TTC28: variants seen among roughly 807,000 people sequenced by gnomAD.
TTC28 encodes the protein tetratricopeptide repeat protein 28.
In TTC28, 61 loss-of-function variants were observed where a neutral mutation model predicts 198.0. That is an observed-to-expected ratio of 0.31 (90% CI 0.25 to 0.38). The LOEUF is 0.38. Ranked by LOEUF, TTC28 falls within the 10% of genes least tolerant of loss-of-function variation. TTC28 has a pLI of 1.00. For missense variants in TTC28, 2,678 were observed against 3,164.0 expected (o/e 0.85, Z 3.69); for synonymous variants, 1,171 against 1,297.8 (o/e 0.90, Z 2.10).
rs540240085 is a variant in TTC28, at chr22:28,594,227, TTAAA to T, written c.381+35321_381+35324del. ...GTCTCTCATTCCCTGAGACCTATAA[TTAAA>T]TAAATAATCGTTTATTAATATAATT... On this transcript the variant is annotated intron_variant, in intron 2 of 22. Coordinates refer to ENST00000397906, the MANE Select transcript of TTC28 (RefSeq NM_001145418.2). Among the ~76,000 whole-genome samples, 108 of 150,120 alleles carry T rather than the reference TTAAA, an allele frequency of 7.2e-4. 1 individual carries two copies. The highest frequency in any genetic ancestry group is 2.8e-4 in the Non-Finnish European group (19 of 67,608).
intron 2 of TTC28, among the ~76,000 whole-genome samples, chr22:28,377,099 G>C (rs1164461903): frequency 2.8e-5 from 1 of 35,406 alleles, no homozygotes; most frequent in Non-Finnish European, 6.6e-5. Context: ...AGATTCTAAA[G>C]TAAAAAAACC....
intron 2 of TTC28, among the ~76,000 whole-genome samples, chr22:28,519,144 T>C (rs1376451138): frequency 6.6e-6 from 1 of 152,186 alleles, no homozygotes; most frequent in Non-Finnish European, 1.5e-5. Flanking sequence ...ATTGATAATA[T>C]ACTAAGCGGA....
At chr22:28,547,925 C>A (rs1487166143) in intron 2 of TTC28, among the ~76,000 whole-genome samples, 1 of 151,618 alleles carries the variant, frequency 6.6e-6, no homozygotes, top group East Asian at 1.9e-4. Context: ...CTTAGCACTA[C>A]AATCACTCCA....
chr22:28,422,478 G>A (rs1455636932), intron 2 of TTC28, among the ~76,000 whole-genome samples: 3 of 149,554 alleles, frequency 2.0e-5, no homozygotes, highest in South Asian at 2.1e-4. Flanking sequence ...TCGCTCTGTC[G>A]CCAAGGCTGG....
intron 1 of TTC28, among the ~76,000 whole-genome samples, chr22:28,675,743 A>T (rs1208550095): frequency 7.3e-5 from 11 of 149,896 alleles, no homozygotes; most frequent in African/African-American, 1.5e-4. Flanking sequence ...TGTCACACAC[A>T]CACACACACA....
At position 28,656,668 on chromosome 22, in the gene TTC28, C is replaced by A. The variant is rs564012966; in HGVS notation, c.102+22954G>T. Among the ~76,000 whole-genome samples the A allele has an allele frequency of 3.9e-5, 6 of 152,274 alleles. No individual in the cohort carries two copies. The South Asian group carries it at 1.0e-3, about 26-fold the overall frequency. On this transcript the variant is annotated intron_variant, in intron 1 of 22. Coordinates refer to ENST00000397906, the MANE Select transcript of TTC28 (RefSeq NM_001145418.2). ...GTGCAAGGGATGAAAATCAGTGACT[C>A]CAATCTGTATCCAACAGTTAATCAT... is the stretch of plus-strand genomic sequence containing the variant.
chr22:27,992,371 G>A, intron 19 of TTC28: 2 of 584,868 alleles, frequency 3.4e-6, no homozygotes, highest in Non-Finnish European at 6.1e-6. Flanking sequence ...CAGTGCCGCT[G>A]GCACGGATGC....
At chr22:28,042,860 G>T (rs1939709469) in intron 12 of TTC28, among the ~76,000 whole-genome samples, 1 of 152,116 alleles carries the variant, frequency 6.6e-6, no homozygotes, top group Non-Finnish European at 1.5e-5. Flanking sequence ...TTTAAATCAG[G>T]AATACAGGCT....
chr22:28,259,415 A>G (rs898474894), intron 5 of TTC28, among the ~76,000 whole-genome samples: 1 of 152,188 alleles, frequency 6.6e-6, no homozygotes, highest in Non-Finnish European at 1.5e-5. Context: ...AGTAATTGCA[A>G]TAATGGTGGC....
chr22:28,432,028 G>A (rs1298113541), intron 2 of TTC28, among the ~76,000 whole-genome samples: 2 of 151,688 alleles, frequency 1.3e-5, no homozygotes, highest in East Asian at 1.9e-4. Flanking sequence ...GCTCATGCCT[G>A]TAATCCCAGC....
intron 14 of TTC28, among the ~76,000 whole-genome samples, chr22:28,013,627 C>T (rs139451473): frequency 6.6e-6 from 1 of 152,184 alleles, no homozygotes; most frequent in Non-Finnish European, 1.5e-5. Flanking sequence ...ATAGCCCTGG[C>T]TCGAAGTTGC....
chr22:28,638,028 C>T (rs949458768), intron 1 of TTC28, among the ~76,000 whole-genome samples: 1 of 152,056 alleles, frequency 6.6e-6, no homozygotes, highest in Non-Finnish European at 1.5e-5. Context: ...CATATACACC[C>T]AAAATCACAG....
At chr22:28,238,376 T>C (rs1929407319) in intron 5 of TTC28, among the ~76,000 whole-genome samples, 1 of 152,204 alleles carries the variant, frequency 6.6e-6, no homozygotes, top group African/African-American at 2.4e-5. Flanking sequence ...CATCCAGTCA[T>C]TTTTCATTTC....
chr22:28,306,827 C>T (rs996495003), intron 2 of TTC28, among the ~76,000 whole-genome samples, 184 bp from the exon 3 acceptor site: 5 of 152,138 alleles, frequency 3.3e-5, no homozygotes, highest in Admixed American at 3.3e-4. Flanking sequence ...TATCAGGCAA[C>T]TTCTATTTAA....
At chr22:28,512,918 A>G (rs950115003) in intron 2 of TTC28, among the ~76,000 whole-genome samples, 2 of 152,056 alleles carry the variant, frequency 1.3e-5, no homozygotes, top group African/African-American at 4.8e-5. Context: ...CCTGAACTTC[A>G]AATAAAAGTT....
At chr22:28,388,127 TC>T (rs1952538891) in intron 2 of TTC28, among the ~76,000 whole-genome samples, 2 of 152,220 alleles carry the variant, frequency 1.3e-5, no homozygotes, top group South Asian at 4.1e-4. Context: ...CTTGTTTTTC[TC>T]AGGTTTGTCA....
At chr22:28,140,953 G>C (rs979431016) in intron 6 of TTC28, among the ~76,000 whole-genome samples, 7 of 152,194 alleles carry the variant, frequency 4.6e-5, no homozygotes, top group African/African-American at 1.7e-4. Context: ...GGAGGAGGAG[G>C]AGGAGGAAGA....
chr22:28,581,032 T>C, intron 2 of TTC28, among the ~76,000 whole-genome samples: 1 of 152,174 alleles, frequency 6.6e-6, no homozygotes, highest in Non-Finnish European at 1.5e-5. Context: ...ACATCCAATA[T>C]GGTTTGGATT....
Position 28,386,706 on chromosome 22 carries a change from T to C in TTC28, c.382-80063A>G, listed in dbSNP as rs537388002. 9.5e-4 allele frequency among the ~76,000 whole-genome samples: 144 copies of C among 152,326 alleles called. 3 individuals are homozygous for C. The highest frequency in any genetic ancestry group is 3.2e-3 in the African/African-American group (131 of 41,584). On this transcript the variant is annotated intron_variant, in intron 2 of 22. Coordinates refer to ENST00000397906, the MANE Select transcript of TTC28 (RefSeq NM_001145418.2). ...GGGAGAGAAGCCACTAAATATTTAATAGCTACAGAATCTTGATAATCATAT... is the reference window on the plus strand; with the variant it reads ...GGGAGAGAAGCCACTAAATATTTAACAGCTACAGAATCTTGATAATCATAT...
Sources: gnomAD v4.1 joint callset for allele counts (sites outside exome capture counted in the v4.1 genomes callset) on GRCh38, gnomAD v4.1.1 for gene constraint, MANE v1.5 for transcripts, NCBI Gene and HGNC (gene_info 2026-07-23, HGNC 2026-07-21) for gene names.